RNF38: variants seen among roughly 807,000 people sequenced by gnomAD.
RNF38 encodes the protein E3 ubiquitin-protein ligase RNF38.
RNF38 carries 15 observed loss-of-function variants against 67.2 expected under a neutral mutation model. The ratio of observed to expected loss-of-function variants is 0.22; its 90% CI spans 0.15 to 0.34. RNF38 has a LOEUF of 0.34. RNF38 is among the 10% of genes least tolerant of loss of function. RNF38 has a pLI of 1.00. For missense variants in RNF38, 524 were observed against 639.9 expected (o/e 0.82, Z 1.95); for synonymous variants, 220 against 218.8 (o/e 1.01, Z -0.05).
In RNF38 at chr9:36,377,901, C is replaced by T. The variant is rs539089940; in HGVS notation, c.163-1774G>A. Among the ~76,000 whole-genome samples, 61 of 151,924 alleles carry T rather than the reference C, an allele frequency of 4.0e-4. 1 individual carries two copies. The highest frequency in any genetic ancestry group is 1.4e-3 in the African/African-American group (59 of 41,444). On this transcript the variant is annotated intron_variant, in intron 2 of 11. Coordinates refer to ENST00000259605, the MANE Select transcript of RNF38 (RefSeq NM_022781.5). ...TCATTTTTTCTGACTATTTCCCATC[C>T]GTGGTTGGTTCAATCTTTGGGTAAG...
rs1554689613 is a variant in RNF38 at position 36,393,524 on chromosome 9, G to GTGTGTGTGTGT, written c.13-2909_13-2908insACACACACACA. On this transcript the variant is annotated intron_variant, in intron 1 of 11. Coordinates refer to ENST00000259605, the MANE Select transcript of RNF38 (RefSeq NM_022781.5). Reference sequence around the variant, plus strand: ...GTGTGTGTGTGTGTGTGTGTGTGTGGGGCAGGCAGTCCCATACATAGGTTG... The same window carrying GTGTGTGTGTGT: ...GTGTGTGTGTGTGTGTGTGTGTGTGGTGTGTGTGTGTGGCAGGCAGTCCCATACATAGGTTG... Among the ~76,000 whole-genome samples, 651 of 84,260 alleles carry GTGTGTGTGTGT rather than the reference G, an allele frequency of 7.7e-3. 2 individuals carry two copies. Among genetic ancestry groups the GTGTGTGTGTGT allele is most frequent in the Middle Eastern group, 0.038 (6 of 156 alleles). The allele number at this position is 84,260 out of a possible 152,430, so 55.3% of individuals were successfully genotyped here.
At chr9:36,412,954 C>T (rs1343662050) in intron 2 of RNF38, among the ~76,000 whole-genome samples, 1 of 152,080 alleles carries the variant, frequency 6.6e-6, no homozygotes, top group Non-Finnish European at 1.5e-5. Flanking sequence ...TGCCTATAGT[C>T]CCAGCTACTC....
intron 1 of RNF38, among the ~76,000 whole-genome samples, chr9:36,451,115 A>G (rs2134334846): frequency 6.6e-6 from 1 of 152,292 alleles, no homozygotes; most frequent in East Asian, 1.9e-4. Context: ...TGCAATCAGC[A>G]AAGTTCAAAC....
At chr9:36,364,850 T>C (rs1834825028) in intron 4 of RNF38, among the ~76,000 whole-genome samples, 1 of 152,206 alleles carries the variant, frequency 6.6e-6, no homozygotes, top group South Asian at 2.1e-4. Flanking sequence ...AACAAATATC[T>C]AGGTGATGCT....
chr9:36,339,972 G>A (rs545022559), intron 11 of RNF38, among the ~76,000 whole-genome samples, 158 bp from the exon 12 acceptor site: 6 of 74,332 alleles, frequency 8.1e-5, no homozygotes, highest in East Asian at 8.3e-4. Context: ...ATAAACCTCC[G>A]AATTAGCCCA....
At chr9:36,393,524 G>GTGT (rs1554689613) in intron 1 of RNF38, among the ~76,000 whole-genome samples, 3,601 of 83,978 alleles carry the variant, frequency 0.043, 77 homozygotes, top group East Asian at 0.092. Flanking sequence ...TGTGTGTGTG[G>GTGT]GGCAGGCAGT....
At chr9:36,389,678 G>C (rs1166919236) in intron 2 of RNF38, among the ~76,000 whole-genome samples, 1 of 152,172 alleles carries the variant, frequency 6.6e-6, no homozygotes, top group Non-Finnish European at 1.5e-5. Flanking sequence ...CCAACTTTAT[G>C]TGTCACAAGC....
chr9:36,425,855 G>A (rs564776420), intron 1 of RNF38, among the ~76,000 whole-genome samples: 77 of 152,208 alleles, frequency 5.1e-4, no homozygotes, highest in African/African-American at 1.7e-3. Flanking sequence ...ACGCCACCAC[G>A]CCCAGTTAAT....
intron 11 of RNF38, among the ~76,000 whole-genome samples, chr9:36,341,236 TTC>T (rs1409406872): frequency 6.6e-6 from 1 of 152,218 alleles, no homozygotes; most frequent in Non-Finnish European, 1.5e-5. Context: ...GGTTTTCTGA[TTC>T]TCTGTCCGCA....
At chr9:36,394,244 C>T (rs1213736991) in intron 1 of RNF38, among the ~76,000 whole-genome samples, 1 of 151,668 alleles carries the variant, frequency 6.6e-6, no homozygotes, top group African/African-American at 2.4e-5. Flanking sequence ...CACTGCACTC[C>T]AGCCTGGCGA....
upstream of RNF38, among the ~76,000 whole-genome samples, chr9:36,401,434 A>T (rs762621115): frequency 1.3e-5 from 2 of 152,088 alleles, no homozygotes; most frequent in Non-Finnish European, 2.9e-5. Context: ...AACTGACCTC[A>T]CGTAGTTCTT....
chr9:36,452,426 A>AT (rs1434132779), intron 1 of RNF38, among the ~76,000 whole-genome samples: 5 of 151,882 alleles, frequency 3.3e-5, no homozygotes, highest in Non-Finnish European at 5.9e-5. Flanking sequence ...TATTCTAGAC[A>AT]TTTTTACATA....
intron 10 of RNF38, among the ~76,000 whole-genome samples, chr9:36,344,268 G>A (rs1353655917): frequency 6.6e-6 from 1 of 152,180 alleles, no homozygotes; most frequent in Non-Finnish European, 1.5e-5. Context: ...ACTCGCCTCA[G>A]CCTCCCAGAG....
intron 4 of RNF38, among the ~76,000 whole-genome samples, chr9:36,365,061 AG>A (rs1834837902): frequency 6.6e-6 from 1 of 152,246 alleles, no homozygotes; most frequent in Non-Finnish European, 1.5e-5. Flanking sequence ...AAAACTTTAC[AG>A]AAACAACTAT....
chr9:36,342,484 T>C lies in RNF38; in HGVS notation c.1386-60A>G, dbSNP rs1163739696. 4.1e-6 allele frequency: 4 copies of C among 979,750 alleles called. No individual in the cohort carries two copies. In the African/African-American group the frequency reaches 6.4e-5, roughly 16 times the overall value. The allele number at this position is 979,750 out of a possible 1,614,324, so 60.7% of individuals were successfully genotyped here. On this transcript the variant is annotated intron_variant, in intron 10 of 11. Coordinates refer to ENST00000259605, the MANE Select transcript of RNF38 (RefSeq NM_022781.5). Reference sequence around the variant, plus strand: ...CCAGATGGTTTTCTATTGTTATGACTACTGAAACCTACAAGATAATTTATT... The same window carrying C: ...CCAGATGGTTTTCTATTGTTATGACCACTGAAACCTACAAGATAATTTATT...
chr9:36,400,579 G>C (rs1277454306), upstream of RNF38: 5 of 986,882 alleles, frequency 5.1e-6, no homozygotes, highest in Non-Finnish European at 6.0e-6. Flanking sequence ...CCGCCCTGCC[G>C]GGCAGCTCCC....
chr9:36,412,239 C>G (rs563704987), intron 2 of RNF38, among the ~76,000 whole-genome samples: 4 of 152,338 alleles, frequency 2.6e-5, no homozygotes, highest in African/African-American at 7.2e-5. Context: ...TTACAAATAT[C>G]AGCCTTTTGT....
At chr9:36,375,381 A>G (rs560149033) in intron 3 of RNF38, among the ~76,000 whole-genome samples, 1 of 152,104 alleles carries the variant, frequency 6.6e-6, no homozygotes, top group South Asian at 2.1e-4. Flanking sequence ...TGAGAGAGAC[A>G]GGGTCTTGCT....
chr9:36,396,446 C>T (rs1218919323), intron 1 of RNF38, among the ~76,000 whole-genome samples: 1 of 151,930 alleles, frequency 6.6e-6, no homozygotes, highest in African/African-American at 2.4e-5. Context: ...ATAAACTAGA[C>T]CTAAATGTCA....
Sources: allele counts gnomAD v4.1 joint callset (sites outside exome capture counted in the v4.1 genomes callset), GRCh38; gene constraint gnomAD v4.1.1; transcripts MANE v1.5; gene names NCBI Gene and HGNC (gene_info 2026-07-23, HGNC 2026-07-21).